LIG1: variants seen among roughly 807,000 people sequenced by gnomAD.
LIG1 encodes the protein DNA ligase 1, also known as ligase I, DNA, ATP-dependent.
LIG1 carries 70 observed loss-of-function variants against 115.7 expected under a neutral mutation model. The ratio of observed to expected loss-of-function variants is 0.60; its 90% CI spans 0.50 to 0.74. LIG1 has a LOEUF of 0.74. Among genes scored for constraint, LIG1 ranks in the 30% least tolerant of loss-of-function variants. The pLI is 0.00. For missense variants in LIG1, 1,115 were observed against 1,225.6 expected, an observed-to-expected ratio of 0.91 and a Z score of 1.35; for synonymous variants, 487 against 495.3, an observed-to-expected ratio of 0.98 and a Z score of 0.22.
chr19:48,145,788 T>A (rs1183507210), intron 9 of LIG1: 1 of 152,204 alleles, frequency 6.6e-6, no homozygotes, highest in Admixed American at 6.5e-5. Flanking sequence ...GCAGTTACCG[T>A]GACAACATGC....
chr19:48,140,980 G>A lies in LIG1; in HGVS notation c.915-837C>T, dbSNP rs147946916. ...TGCAGTTCCCCCGTCTAGATAAATC[G>A]GCTCTGTCTAGGCAGCGGGCAAGGT... On this transcript the variant is annotated intron_variant, in intron 11 of 27. Transcript: ENST00000263274. Among the ~76,000 whole-genome samples the A allele has an allele frequency of 5.1e-4, 77 of 152,274 alleles. 2 individuals carry two copies. In the East Asian group the frequency reaches 0.013, roughly 25 times the overall value.
At chr19:48,169,203 G>A (rs923885113) in intron 1 of LIG1, among the ~76,000 whole-genome samples, 1 of 152,188 alleles carries the variant, frequency 6.6e-6, no homozygotes, top group East Asian at 1.9e-4. Context: ...GGGGCCTGGG[G>A]AGGAGTTCTT....
chr19:48,161,134 G>A (rs1374284292), intron 4 of LIG1: 11 of 588,168 alleles, frequency 1.9e-5, no homozygotes, highest in Non-Finnish European at 2.8e-5. Context: ...GTGTTACCAG[G>A]AGCTGCATGT....
At chr19:48,133,932 G>A in intron 17 of LIG1, 49 bp downstream of exon 17, 1 of 1,486,778 alleles carries the variant, frequency 6.7e-7, no homozygotes, top group Non-Finnish European at 9.2e-7. Context: ...GCCGACTCAG[G>A]AGGGAGCAGG....
intron 2 of LIG1, 45 bp from the exon 3 acceptor site, chr19:48,162,396 C>A: frequency 1.5e-6 from 2 of 1,314,438 alleles, no homozygotes; most frequent in Non-Finnish European, 2.2e-6. Context: ...ATAACAGCAC[C>A]AATACCCTGC....
At chr19:48,152,503 G>A (rs2035541213) in intron 6 of LIG1, among the ~76,000 whole-genome samples, 1 of 152,116 alleles carries the variant, frequency 6.6e-6, no homozygotes, top group Non-Finnish European at 1.5e-5. Context: ...AAAACCAAAT[G>A]ACGTTAAAGG....
intron 6 of LIG1, among the ~76,000 whole-genome samples, chr19:48,152,169 C>A (rs184458718): frequency 3.9e-5 from 6 of 152,250 alleles, no homozygotes; most frequent in Admixed American, 3.9e-4. Flanking sequence ...GTCGCCCAGG[C>A]TAGAGTGCAG....
chr19:48,162,757 T>G (rs2036257765), intron 2 of LIG1, among the ~76,000 whole-genome samples: 1 of 151,898 alleles, frequency 6.6e-6, no homozygotes, highest in Admixed American at 6.6e-5. Flanking sequence ...ACCATTTCCA[T>G]CTCAGCACAT....
chr19:48,160,265 C>A (rs920569548), intron 4 of LIG1, among the ~76,000 whole-genome samples: 3 of 152,164 alleles, frequency 2.0e-5, no homozygotes, highest in African/African-American at 7.2e-5. Flanking sequence ...AGGAAAGTTT[C>A]GCTGAGGAAG....
At chr19:48,156,986 GAA>G (rs780561478) in intron 5 of LIG1, 26 bp downstream of exon 5, 14 of 1,488,552 alleles carry the variant, frequency 9.4e-6, no homozygotes, top group Admixed American at 4.1e-5. Flanking sequence ...GCAGGCGACT[GAA>G]GGGGCAGGGG....
intron 3 of LIG1, 109 bp from the exon 4 acceptor site, chr19:48,161,616 G>C (rs1160003811): frequency 3.1e-6 from 4 of 1,304,432 alleles, no homozygotes; most frequent in East Asian, 2.3e-5. Context: ...TTCCTTTCAA[G>C]CATCCAATGA....
intron 1 of LIG1, among the ~76,000 whole-genome samples, chr19:48,167,842 A>C (rs1187180931): frequency 2.0e-5 from 3 of 151,668 alleles, no homozygotes; most frequent in East Asian, 1.9e-4. Context: ...AAAAAAAAAA[A>C]AAAAAAAACA....
At chr19:48,158,044 C>G (rs1310766394) in intron 4 of LIG1, among the ~76,000 whole-genome samples, 3 of 152,198 alleles carry the variant, frequency 2.0e-5, no homozygotes, top group Non-Finnish European at 4.4e-5. Context: ...TAAAATTCCT[C>G]TCTTGCCATG....
chr19:48,137,460 C>A lies in LIG1; in HGVS notation c.1254+62G>T, dbSNP rs2034462934. ...GGTCTACCCAGAAGCCTTCCTGACA[C>A]ACGCGTGGCCTCAGGTCCCCAAGAT... On this transcript the variant is annotated intron_variant, in intron 13 of 27. Transcript: ENST00000263274. The surrounding 1 kb of genome is among the most constrained non-coding windows in gnomAD (Gnocchi z 4.3). The A allele has an allele frequency of 1.3e-6, 2 of 1,593,802 alleles. No individual in the cohort carries two copies. Among genetic ancestry groups the A allele is most frequent in the South Asian group, 1.1e-5 (1 of 90,108 alleles).
intron 5 of LIG1, 36 bp downstream of exon 5, chr19:48,156,978 A>T: frequency 1.4e-6 from 2 of 1,420,462 alleles, no homozygotes; most frequent in Non-Finnish European, 1.9e-6. Context: ...AAAGAAAGGC[A>T]GGCGACTGAA....
chr19:48,154,833 A>G (rs2035735153), intron 5 of LIG1, among the ~76,000 whole-genome samples: 2 of 152,080 alleles, frequency 1.3e-5, no homozygotes, highest in Admixed American at 1.3e-4. Flanking sequence ...CTCCCTGCTC[A>G]AAACCCTTCC....
intron 6 of LIG1, among the ~76,000 whole-genome samples, chr19:48,153,398 G>A (rs916278909): frequency 7.1e-6 from 1 of 140,606 alleles, no homozygotes; most frequent in African/African-American, 2.5e-5. Flanking sequence ...ACAAGGAAAA[G>A]GAAATCATTT....
chr19:48,116,659 T>C (rs548271756), intron 26 of LIG1, among the ~76,000 whole-genome samples: 1 of 152,148 alleles, frequency 6.6e-6, no homozygotes, highest in East Asian at 1.9e-4. Flanking sequence ...AATGGAGATG[T>C]TTGTGTCACT....
Position 48,122,915 on chromosome 19 carries a change from G to T in LIG1, c.2232+19C>A. The T allele has an allele frequency of 6.2e-7, 1 of 1,612,960 alleles. No homozygotes were observed. The highest frequency in any genetic ancestry group is 1.1e-5 in the South Asian group (1 of 91,050). On this transcript the variant is annotated intron_variant, in intron 23 of 27. Coordinates refer to ENST00000263274, the MANE Select transcript of LIG1 (RefSeq NM_000234.3). The surrounding 1 kb of genome is among the most constrained non-coding windows in gnomAD (Gnocchi z 4.3). Reference sequence around the variant, plus strand: ...CCAGACCCGGGGTGGAGAAGGCCCAGTTGGGGGTCGAGAATCACCTTGAGC... The same window carrying T: ...CCAGACCCGGGGTGGAGAAGGCCCATTTGGGGGTCGAGAATCACCTTGAGC...
Sources: allele counts gnomAD v4.1 joint callset (sites outside exome capture counted in the v4.1 genomes callset), GRCh38; gene constraint gnomAD v4.1.1; non-coding constraint Gnocchi (gnomAD v3.1); transcripts MANE v1.5; gene names NCBI Gene and HGNC (gene_info 2026-07-23, HGNC 2026-07-21).